The following MLIP variants were observed in gnomAD, a reference collection of about 807,000 sequenced individuals.
The protein encoded by MLIP is muscular LMNA interacting protein, also known as muscular LMNA-interacting protein.
A neutral mutation model predicts 84.8 loss-of-function variants in MLIP; 79 were observed. The observed-to-expected ratio is 0.93, with a 90% confidence interval of 0.78 to 1.12. The LOEUF (loss-of-function observed/expected upper bound fraction) is 1.12, where lower values mean the gene tolerates loss of function less well. Among genes scored for constraint, MLIP ranks in the 50% most tolerant of loss-of-function variants. The pLI, the probability that MLIP is intolerant of heterozygous loss-of-function variation, is 0.00. For missense variants in MLIP, 1,257 were observed against 1,160.6 expected (o/e 1.08, Z -1.21); for synonymous variants, 504 against 463.0 (o/e 1.09, Z -1.14).
chr6:54,218,622 C>T (rs747783134), intron 11 of MLIP, among the ~76,000 whole-genome samples: 27 of 152,016 alleles, frequency 1.8e-4, no homozygotes, highest in Non-Finnish European at 2.9e-4. Context: ...TGGGTTCAAG[C>T]GATTCTCCTG....
chr6:54,194,799 T>C (rs1459269964), intron 10 of MLIP, among the ~76,000 whole-genome samples: 5 of 151,672 alleles, frequency 3.3e-5, no homozygotes, highest in Admixed American at 6.6e-5. Flanking sequence ...AGTTTAAATA[T>C]CTAGAATGCC....
At chr6:54,110,146 C>A (rs1769343119), upstream of MLIP, among the ~76,000 whole-genome samples, 1 of 151,774 alleles carries the variant, frequency 6.6e-6, no homozygotes, top group African/African-American at 2.4e-5. Context: ...CAACGCCCGG[C>A]TAATTTTTTG....
intron 4 of MLIP, among the ~76,000 whole-genome samples, chr6:54,142,106 T>C (rs1772367623): frequency 6.6e-6 from 1 of 152,224 alleles, no homozygotes; most frequent in South Asian, 2.1e-4. Context: ...ATGAGCAATA[T>C]GGAATGTGTC....
At chr6:54,145,141 A>G (rs1390028924) in intron 4 of MLIP, among the ~76,000 whole-genome samples, 1 of 152,202 alleles carries the variant, frequency 6.6e-6, no homozygotes, top group Admixed American at 6.5e-5. Context: ...TGCCAGATTC[A>G]GGTTTAGGCC....
intron 11 of MLIP, chr6:54,216,427 G>A (rs533398448): frequency 4.1e-6 from 4 of 985,044 alleles, no homozygotes; most frequent in East Asian, 1.1e-4. Context: ...GTCCTCTGCT[G>A]CTCACTGTGA....
chr6:54,138,193 C>T lies in MLIP; in HGVS notation c.2124C>T (p.Thr708=), dbSNP rs1032771326. 22 of 1,536,002 alleles carry T rather than the reference C, an allele frequency of 1.4e-5. No homozygotes were observed. The East Asian group carries it at 5.4e-4, about 38-fold the overall frequency. ...TTPNHRSPVS[T]PSLPISLTRT... The stretch of plus-strand genomic sequence containing the variant: ...CCAACCACAGGTCACCTGTTTCAAC[C>T]CCATCACTTCCCATATCTCTAACAA... The change falls in exon 4 of 14, where the codon ACC becomes ACT. Residue 708 remains threonine, a synonymous_variant. Transcript: ENST00000502396.
intron 1 of MLIP, among the ~76,000 whole-genome samples, chr6:54,117,503 C>T (rs143257832): frequency 0.028 from 4,277 of 151,544 alleles, 210 homozygotes; most frequent in African/African-American, 0.097. Flanking sequence ...CGTGAGCCAC[C>T]GTGCCCGGCC....
At chr6:54,187,644 T>C (rs1017253778) in intron 9 of MLIP, among the ~76,000 whole-genome samples, 1 of 151,988 alleles carries the variant, frequency 6.6e-6, no homozygotes. Context: ...GAATACAGTA[T>C]AAAGTGACAA....
At chr6:54,258,677 T>A (rs1351287241) in intron 13 of MLIP, among the ~76,000 whole-genome samples, 4 of 152,080 alleles carry the variant, frequency 2.6e-5, no homozygotes, top group Admixed American at 6.6e-5. Context: ...GAGAGGTTAC[T>A]ATACATTAGA....
chr6:54,227,266 T>C lies in MLIP; in HGVS notation c.2719-3448T>C, dbSNP rs936108167. ...AATTAAACCTCTTTCCTTTATAAAT[T>C]ACTGAGTCTCAGATAGTTCTTTATA... is the stretch of plus-strand genomic sequence containing the variant. On this transcript the variant is annotated intron_variant, in intron 11 of 13. Transcript: ENST00000502396. 5.3e-5 allele frequency among the ~76,000 whole-genome samples: 8 copies of C among 152,126 alleles called. No homozygotes were observed. The East Asian group carries it at 1.5e-3, about 29-fold the overall frequency.
At chr6:54,221,196 T>A (rs1403526319) in intron 11 of MLIP, among the ~76,000 whole-genome samples, 1 of 152,106 alleles carries the variant, frequency 6.6e-6, no homozygotes, top group Non-Finnish European at 1.5e-5. Context: ...TCTTCATTAT[T>A]TTAGAAGTAG....
chr6:54,229,323 G>C (rs977627085), intron 11 of MLIP, among the ~76,000 whole-genome samples: 1 of 152,162 alleles, frequency 6.6e-6, no homozygotes, highest in African/African-American at 2.4e-5. Flanking sequence ...ACATTGTAAA[G>C]AGGATATTAT....
At chr6:54,191,940 T>C (rs1193693903) in intron 10 of MLIP, among the ~76,000 whole-genome samples, 1 of 151,588 alleles carries the variant, frequency 6.6e-6, no homozygotes, top group East Asian at 1.9e-4. Flanking sequence ...TACATACATG[T>C]AAGTTCTTGG....
At chr6:54,217,389 G>A (rs1046996228) in intron 11 of MLIP, 1 of 985,452 alleles carries the variant, frequency 1.0e-6, no homozygotes, top group African/African-American at 1.7e-5. Context: ...AAGTTAAACA[G>A]TATGATTTGA....
intron 9 of MLIP, among the ~76,000 whole-genome samples, chr6:54,188,525 G>A (rs1308889641): frequency 4.0e-5 from 6 of 151,598 alleles, no homozygotes; most frequent in Non-Finnish European, 8.8e-5. Flanking sequence ...ATTAGCTTAG[G>A]CCTACACAGA....
intron 12 of MLIP, among the ~76,000 whole-genome samples, chr6:54,253,998 C>T (rs1782815438): frequency 6.6e-6 from 1 of 150,852 alleles, no homozygotes; most frequent in Non-Finnish European, 1.5e-5. Flanking sequence ...TTCTTTGAGG[C>T]AACATAGTAG....
intron 1 of MLIP, among the ~76,000 whole-genome samples, chr6:54,093,399 T>TCTATTCTATTCTATTCTATTC (rs1256065774): frequency 1.3e-5 from 2 of 152,036 alleles, no homozygotes; most frequent in Non-Finnish European, 1.5e-5. Flanking sequence ...TATTCTTCTT[T>TCTATTCTATTCTATTCTATTC]TATCTAATTC....
At chr6:54,139,966 A>G (rs1772148346) in intron 4 of MLIP, among the ~76,000 whole-genome samples, 1 of 152,194 alleles carries the variant, frequency 6.6e-6, no homozygotes, top group South Asian at 2.1e-4. Flanking sequence ...ACATTCAAAG[A>G]AAATGAGATG....
chr6:54,117,211 C>CTTTTTTTTTTTT (rs200691416), intron 1 of MLIP, among the ~76,000 whole-genome samples: 1 of 117,828 alleles, frequency 8.5e-6, no homozygotes, highest in Non-Finnish European at 1.7e-5. Context: ...CTATTTCTGT[C>CTTTTTTTTTTTT]TTTTTTTTTT....
Sources: gnomAD v4.1 joint callset for allele counts (sites outside exome capture counted in the v4.1 genomes callset) on GRCh38, gnomAD v4.1.1 for gene constraint, MANE v1.5 for transcripts, NCBI Gene and HGNC (gene_info 2026-07-23, HGNC 2026-07-21) for gene names.